Variants in MGAT4C observed in about 807,000 individuals in gnomAD.
The protein encoded by MGAT4C is MGAT4 family member C.
In MGAT4C, 19 loss-of-function variants were observed where a neutral mutation model predicts 40.1. The observed-to-expected ratio is 0.47, with a 90% CI of 0.33 to 0.70. The LOEUF is 0.70. Ranked by LOEUF, MGAT4C falls within the 30% of genes least tolerant of loss-of-function variation. The pLI is 0.02. For missense variants in MGAT4C, 491 were observed against 563.2 expected (o/e 0.87, Z 1.30); for synonymous variants, 181 against 187.1 (o/e 0.97, Z 0.27).
At chr12:86,074,156 C>T (rs551601129) in intron 1 of MGAT4C, among the ~76,000 whole-genome samples, 9 of 152,052 alleles carry the variant, frequency 5.9e-5, no homozygotes, top group Non-Finnish European at 1.2e-4. Context: ...TCTCTTGCCA[C>T]CACCATGTAA....
chr12:86,355,460 G>C (rs1955288548), intron 3 of MGAT4C, among the ~76,000 whole-genome samples: 1 of 152,048 alleles, frequency 6.6e-6, no homozygotes, highest in Non-Finnish European at 1.5e-5. Context: ...TATAATTCCA[G>C]AAAACACCAA....
chr12:86,824,617 G>A (rs1232943323), intron 1 of MGAT4C, among the ~76,000 whole-genome samples: 2 of 150,676 alleles, frequency 1.3e-5, no homozygotes, highest in African/African-American at 4.9e-5. Context: ...TTGAAAAGAT[G>A]GTGTCATGTC....
intron 2 of MGAT4C, among the ~76,000 whole-genome samples, chr12:86,596,321 A>C (rs1023141793): frequency 6.6e-6 from 1 of 152,194 alleles, no homozygotes; most frequent in Admixed American, 6.5e-5. Flanking sequence ...ACCCAGAAAA[A>C]GGTGACAATC....
At chr12:86,695,560 A>C (rs1234159799) in intron 2 of MGAT4C, among the ~76,000 whole-genome samples, 4 of 152,242 alleles carry the variant, frequency 2.6e-5, no homozygotes, top group Non-Finnish European at 5.9e-5. Context: ...AATGTGGTGC[A>C]TGTACGCAAT....
intron 1 of MGAT4C, among the ~76,000 whole-genome samples, chr12:86,229,413 A>G (rs932447642): frequency 6.6e-6 from 1 of 152,002 alleles, no homozygotes; most frequent in Non-Finnish European, 1.5e-5. Flanking sequence ...TATAGAAAGT[A>G]TAAGATATTT....
intron 3 of MGAT4C, among the ~76,000 whole-genome samples, chr12:86,369,689 T>C (rs950635666): frequency 2.0e-5 from 3 of 152,022 alleles, no homozygotes; most frequent in African/African-American, 7.2e-5. Flanking sequence ...TTTATGGTTA[T>C]TGTTATTATC....
intron 1 of MGAT4C, among the ~76,000 whole-genome samples, chr12:86,778,399 T>G (rs1265992630): frequency 6.6e-6 from 1 of 152,180 alleles, no homozygotes; most frequent in African/African-American, 2.4e-5. Flanking sequence ...TTTGAGAATT[T>G]TTTTCCTTTC....
chr12:86,712,533 T>A (rs1184059076), intron 2 of MGAT4C, among the ~76,000 whole-genome samples: 1 of 152,092 alleles, frequency 6.6e-6, no homozygotes, highest in Admixed American at 6.6e-5. Context: ...ATCTCTTGAG[T>A]AAGATCCACT....
In MGAT4C at chr12:86,660,273, G is replaced by A. The variant is rs371550538; in HGVS notation, c.-229+66936C>T. On this transcript the variant is annotated intron_variant, in intron 2 of 7. Transcript: ENST00000548651. Reference sequence around the variant, plus strand: ...ATTGTGTATGTGATTGAAGAAGAAGGAGAAGTCAAGAACCCCTAGATTGTA... The same window carrying A: ...ATTGTGTATGTGATTGAAGAAGAAGAAGAAGTCAAGAACCCCTAGATTGTA... Among the ~76,000 whole-genome samples the A allele has an allele frequency of 2.6e-5, 4 of 152,164 alleles. No individual in the cohort carries two copies. The South Asian group carries it at 6.2e-4, about 24-fold the overall frequency.
chr12:86,564,531 C>T (rs1203291883), intron 2 of MGAT4C, among the ~76,000 whole-genome samples: 1 of 152,212 alleles, frequency 6.6e-6, no homozygotes, highest in African/African-American at 2.4e-5. Context: ...AGCAAACACA[C>T]TGGACTTATT....
At chr12:86,553,256 G>C (rs975760401) in intron 2 of MGAT4C, among the ~76,000 whole-genome samples, 4 of 152,034 alleles carry the variant, frequency 2.6e-5, no homozygotes, top group Non-Finnish European at 5.9e-5. Flanking sequence ...CTTAATGAAA[G>C]TGTGATTCAA....
intron 4 of MGAT4C, among the ~76,000 whole-genome samples, chr12:86,297,308 G>A (rs1953706013): frequency 6.6e-6 from 1 of 152,112 alleles, no homozygotes; most frequent in Admixed American, 6.5e-5. Flanking sequence ...TGGGAGGCAA[G>A]ATTTTATGTA....
intron 1 of MGAT4C, among the ~76,000 whole-genome samples, chr12:86,132,770 C>A (rs1176231107): frequency 1.7e-5 from 2 of 117,948 alleles, no homozygotes; most frequent in Non-Finnish European, 3.2e-5. Context: ...CCAGCCTGGG[C>A]TACAGAGCGA....
chr12:86,769,753 A>G (rs576568001), intron 1 of MGAT4C, among the ~76,000 whole-genome samples: 1 of 152,062 alleles, frequency 6.6e-6, no homozygotes, highest in African/African-American at 2.4e-5. Context: ...TTCTCAGTAA[A>G]CTATCGCAAG....
At chr12:86,293,829 T>A (rs1057432948) in intron 4 of MGAT4C, among the ~76,000 whole-genome samples, 2 of 152,146 alleles carry the variant, frequency 1.3e-5, no homozygotes, top group South Asian at 2.1e-4. Context: ...ACTCACTCCA[T>A]CCTCCTGACC....
intron 1 of MGAT4C, among the ~76,000 whole-genome samples, chr12:86,092,214 T>A (rs1340450383): frequency 1.3e-5 from 2 of 152,254 alleles, no homozygotes; most frequent in Non-Finnish European, 2.9e-5. Flanking sequence ...GCAAAATTTT[T>A]AAAATTGCCA....
In MGAT4C at chr12:85,956,836, C is replaced by T. The variant is rs902843328; in HGVS notation, c.*22453G>A. 1 of 152,148 alleles carries T rather than the reference C, an allele frequency of 6.6e-6. No individual in the cohort carries two copies. Among genetic ancestry groups the T allele is most frequent in the South Asian group, 2.1e-4 (1 of 4,824 alleles). 9.4% of individuals were successfully genotyped at this position (152,148 alleles called of 1,614,324 possible). ...TCTGAATCAACAGAATTTTATTTTT[C>T]TTTTACCGTGGCCCAAGTAATGTTT... is the stretch of plus-strand genomic sequence containing the variant. On this transcript the variant is annotated 3_prime_UTR_variant, in exon 5 of 5. Transcript: ENST00000611864.
chr12:86,482,069 C>CACAA (rs1369530951), intron 2 of MGAT4C, among the ~76,000 whole-genome samples: 1 of 123,850 alleles, frequency 8.1e-6, no homozygotes, highest in Non-Finnish European at 1.6e-5. Flanking sequence ...CATGTCACTA[C>CACAA]ACACACACAC....
At chr12:86,201,554 T>G (rs1410159128) in intron 1 of MGAT4C, among the ~76,000 whole-genome samples, 2 of 150,380 alleles carry the variant, frequency 1.3e-5, no homozygotes, top group Non-Finnish European at 3.0e-5. Flanking sequence ...AGTTATATAT[T>G]AAATACATAA....
Sources: gnomAD v4.1 joint callset for allele counts (sites outside exome capture counted in the v4.1 genomes callset) on GRCh38, gnomAD v4.1.1 for gene constraint, MANE v1.5 for transcripts, NCBI Gene and HGNC (gene_info 2026-07-23, HGNC 2026-07-21) for gene names.